The following DNAI2 variants were observed in gnomAD, a reference collection of about 807,000 sequenced individuals.
The protein encoded by DNAI2 is dynein axonemal intermediate chain 2.
Under a neutral mutation model 74.7 loss-of-function variants are expected in DNAI2, and 63 were observed. That is an observed-to-expected ratio of 0.84 (90% CI 0.69 to 1.04). The LOEUF is 1.04. DNAI2 is among the 50% of genes least tolerant of loss of function. The pLI, the probability that DNAI2 is intolerant of heterozygous loss-of-function variation, is 0.00. For missense variants in DNAI2, 688 were observed against 803.2 expected, an observed-to-expected ratio of 0.86 and a Z score of 1.73; for synonymous variants, 289 against 314.9, an observed-to-expected ratio of 0.92 and a Z score of 0.87.
intron 8 of DNAI2, 99 bp from the exon 9 acceptor site, chr17:74,305,120 A>T: frequency 8.0e-7 from 1 of 1,250,282 alleles, no homozygotes; most frequent in Non-Finnish European, 1.1e-6. Context: ...GGGCCTTTCT[A>T]GCGCCTGCAG....
At chr17:74,297,002 TTCTCAC>T (rs1289623298) in intron 6 of DNAI2, among the ~76,000 whole-genome samples, 1 of 152,226 alleles carries the variant, frequency 6.6e-6, no homozygotes, top group East Asian at 1.9e-4. Context: ...TTTGCCAGTT[TTCTCAC>T]TGCTATTATG....
At chr17:74,281,766 C>G in intron 1 of DNAI2, 41 bp from the exon 2 acceptor site, 6 of 1,586,574 alleles carry the variant, frequency 3.8e-6, no homozygotes, top group Non-Finnish European at 5.2e-6. Context: ...GGGAAGGGGC[C>G]GGTGGGGTCC....
chr17:74,308,275 G>T (rs1212039486), intron 9 of DNAI2, among the ~76,000 whole-genome samples: 1 of 152,178 alleles, frequency 6.6e-6, no homozygotes. Flanking sequence ...GCTGCACTGT[G>T]TGTGTGTCCC....
chr17:74,278,646 G>A lies in DNAI2; in HGVS notation c.-11-3161G>A, dbSNP rs953085413. Among the ~76,000 whole-genome samples, 7 of 151,778 alleles carry A rather than the reference G, an allele frequency of 4.6e-5. No homozygotes were observed. The South Asian group carries it at 6.3e-4, about 14-fold the overall frequency. ...AACATTGTTGGCCGGGCATGGTGGCGCATACCTGTAATCCCAGCTACTCTG... is the reference window on the plus strand; with the variant it reads ...AACATTGTTGGCCGGGCATGGTGGCACATACCTGTAATCCCAGCTACTCTG... On this transcript the variant is annotated intron_variant, in intron 1 of 13. Transcript: ENST00000311014.
intron 8 of DNAI2, among the ~76,000 whole-genome samples, chr17:74,302,521 C>T (rs10451226): frequency 0.028 from 4,311 of 151,878 alleles, 206 homozygotes; most frequent in African/African-American, 0.099. Context: ...GAGCCAAGAT[C>T]GCATCATTGC....
At chr17:74,306,530 A>C (rs1567871933) in intron 9 of DNAI2, among the ~76,000 whole-genome samples, 1 of 152,200 alleles carries the variant, frequency 6.6e-6, no homozygotes, top group Non-Finnish European at 1.5e-5. Context: ...TGCAACGTCA[A>C]AGCCACCAGC....
intron 12 of DNAI2, 191 bp from the exon 13 acceptor site, chr17:74,313,930 C>G: frequency 2.6e-6 from 2 of 782,528 alleles, no homozygotes; most frequent in Non-Finnish European, 2.0e-6. Context: ...CAGATTCCCC[C>G]AGCTCTGCCC....
At chr17:74,311,916 A>G in intron 11 of DNAI2, 87 bp from the exon 12 acceptor site, 4 of 1,300,362 alleles carry the variant, frequency 3.1e-6, no homozygotes, top group Non-Finnish European at 4.3e-6. Context: ...AGGAGAGCTC[A>G]GCAGAAGCCC....
chr17:74,291,231 G>A, intron 6 of DNAI2, 98 bp downstream of exon 6: 1 of 981,452 alleles, frequency 1.0e-6, no homozygotes, highest in Non-Finnish European at 1.6e-6. Flanking sequence ...TGCAATTTTG[G>A]CTCACTGCAA....
At chr17:74,305,490 G>A in intron 9 of DNAI2, 48 bp downstream of exon 9, 1 of 1,580,110 alleles carries the variant, frequency 6.3e-7, no homozygotes, top group Non-Finnish European at 8.7e-7. Flanking sequence ...GACAGGAGGG[G>A]ATGGAGGGAG....
rs768133910 is a variant in DNAI2 at position 74,301,188 on chromosome 17, C to A, written c.987+20C>A. ...ACTTTGGTGAGTGTCCCTTGCTGTC[C>A]CTTCCCCGACTTGCATTGACAGGGC... On this transcript the variant is annotated intron_variant, in intron 8 of 13. Transcript: ENST00000311014. The A allele has an allele frequency of 3.1e-6, 5 of 1,612,832 alleles. No homozygotes were observed. Among genetic ancestry groups the A allele is most frequent in the Non-Finnish European group, 3.4e-6 (4 of 1,179,220 alleles).
chr17:74,295,179 G>A (rs939319679), intron 6 of DNAI2, among the ~76,000 whole-genome samples: 3 of 144,906 alleles, frequency 2.1e-5, no homozygotes, highest in Non-Finnish European at 4.5e-5. Flanking sequence ...TGGATTACCT[G>A]AACTCAGGAG....
chr17:74,286,274 C>A (rs2051721891), intron 3 of DNAI2, among the ~76,000 whole-genome samples: 1 of 146,702 alleles, frequency 6.8e-6, no homozygotes, highest in African/African-American at 2.5e-5. Flanking sequence ...CTAACCTGGG[C>A]AGCAGAGCAA....
intron 2 of DNAI2, among the ~76,000 whole-genome samples, chr17:74,284,690 G>C (rs2143899280): frequency 6.6e-6 from 1 of 152,316 alleles, no homozygotes; most frequent in East Asian, 1.9e-4. Flanking sequence ...GGGATTACAG[G>C]TGTGAGCCAC....
intron 6 of DNAI2, 101 bp downstream of exon 6, chr17:74,291,234 C>T: frequency 1.1e-6 from 1 of 919,432 alleles, no homozygotes; most frequent in Non-Finnish European, 1.7e-6. Context: ...AATTTTGGCT[C>T]ACTGCAACCT....
intron 6 of DNAI2, among the ~76,000 whole-genome samples, chr17:74,294,328 G>A: frequency 7.9e-6 from 1 of 126,346 alleles, no homozygotes; most frequent in African/African-American, 3.0e-5. Context: ...TTTTTTTTTA[G>A]AGACAAGGTC....
chr17:74,305,047 G>T lies in DNAI2; in HGVS notation c.988-172G>T, dbSNP rs8067840. 0.11 allele frequency among the ~76,000 whole-genome samples: 16,864 copies of T among 152,182 alleles called. 1,561 individuals are homozygous for T. Among genetic ancestry groups the T allele is most frequent in the African/African-American group, 0.26 (10,678 of 41,496 alleles). ...CTTCCAAAAAGATGGGGTCTGAGGA[G>T]CCCGGGAAGAGTGGGGACTGCTCTC... is the stretch of plus-strand genomic sequence containing the variant. On this transcript the variant is annotated intron_variant, in intron 8 of 13. Coordinates refer to ENST00000311014, the MANE Select transcript of DNAI2 (RefSeq NM_023036.6).
chr17:74,281,904 C>G lies in DNAI2; in HGVS notation c.87C>G (p.Ile29Met). The G allele has an allele frequency of 3.1e-6, 5 of 1,614,170 alleles. No homozygotes were observed. The highest frequency in any genetic ancestry group is 4.2e-6 in the Non-Finnish European group (5 of 1,180,042). ...NFSDRQAELNIDIMPNPELAE... is the reference protein window; with the variant it reads ...NFSDRQAELNMDIMPNPELAE... ...CGGACCGCCAGGCCGAGCTGAACAT[C>G]GACATCATGCCCAACCCTGAGCTGG... is the stretch of plus-strand genomic sequence containing the variant. Residue 29 changes from isoleucine (I) to methionine (M), a missense_variant, in exon 2 of 14, where the codon ATC (isoleucine) becomes ATG (methionine). Transcript: ENST00000311014.
chr17:74,303,677 C>G (rs1305573405), intron 8 of DNAI2, among the ~76,000 whole-genome samples: 1 of 151,700 alleles, frequency 6.6e-6, no homozygotes, highest in Non-Finnish European at 1.5e-5. Flanking sequence ...GCTGCAACCT[C>G]TGCCTCCCAG....
Sources: gnomAD v4.1 joint callset for allele counts (sites outside exome capture counted in the v4.1 genomes callset) on GRCh38, gnomAD v4.1.1 for gene constraint, MANE v1.5 for transcripts, NCBI Gene and HGNC (gene_info 2026-07-23, HGNC 2026-07-21) for gene names.